The following NRXN1 variants were observed in gnomAD, a reference collection of about 807,000 sequenced individuals.
The protein encoded by NRXN1 is neurexin 1.
A neutral mutation model predicts 150.9 loss-of-function variants in NRXN1; 39 were observed. The observed-to-expected ratio is 0.26, with a 90% CI of 0.20 to 0.34. The LOEUF (loss-of-function observed/expected upper bound fraction) is 0.34. Among genes scored for constraint, NRXN1 ranks in the 10% least tolerant of loss-of-function variants. The pLI, the probability that NRXN1 is intolerant of heterozygous loss-of-function variation, is 1.00. For missense variants in NRXN1, 1,815 were observed against 1,949.9 expected, an observed-to-expected ratio of 0.93 and a Z score of 1.30; for synonymous variants, 924 against 757.0, an observed-to-expected ratio of 1.22 and a Z score of -3.62.
chr2:50,581,821 G>T (rs1455588620), intron 8 of NRXN1, among the ~76,000 whole-genome samples: 1 of 152,074 alleles, frequency 6.6e-6, no homozygotes, highest in Non-Finnish European at 1.5e-5. Context: ...TAAAGTAACT[G>T]ATTTATCCAA....
At chr2:50,153,903 A>T (rs905109125) in intron 18 of NRXN1, among the ~76,000 whole-genome samples, 11 of 151,688 alleles carry the variant, frequency 7.3e-5, no homozygotes, top group African/African-American at 1.2e-4. Flanking sequence ...TGACACTTTG[A>T]GTCTTATTTG....
At chr2:50,320,320 A>G (rs1325258044) in intron 17 of NRXN1, among the ~76,000 whole-genome samples, 2 of 129,326 alleles carry the variant, frequency 1.5e-5, no homozygotes, top group Non-Finnish European at 3.3e-5. Flanking sequence ...ATATATATAT[A>G]TATATATAGT....
intron 5 of NRXN1, among the ~76,000 whole-genome samples, chr2:50,679,084 T>A (rs1380387901): frequency 6.6e-6 from 1 of 152,062 alleles, no homozygotes; most frequent in Non-Finnish European, 1.5e-5. Flanking sequence ...ATGCTTAACA[T>A]GGATCGGGCT....
At chr2:50,643,882 T>C (rs139594549) in intron 5 of NRXN1, among the ~76,000 whole-genome samples, 206 of 151,972 alleles carry the variant, frequency 1.4e-3, no homozygotes, top group African/African-American at 4.7e-3. Context: ...AACATTTAGC[T>C]TGCATATCAA....
intron 21 of NRXN1, among the ~76,000 whole-genome samples, chr2:49,999,598 A>C (rs1421585): frequency 6.6e-6 from 1 of 152,058 alleles, no homozygotes; most frequent in Non-Finnish European, 1.5e-5. Flanking sequence ...TAATCAGGAA[A>C]TGAGACAATA....
At chr2:50,261,900 C>A (rs1378505591) in intron 17 of NRXN1, among the ~76,000 whole-genome samples, 1 of 151,686 alleles carries the variant, frequency 6.6e-6, no homozygotes, top group Non-Finnish European at 1.5e-5. Flanking sequence ...GTGACTTTGC[C>A]AAAGTTATTG....
intron 5 of NRXN1, among the ~76,000 whole-genome samples, chr2:50,873,317 A>T (rs1300704774): frequency 1.3e-5 from 2 of 151,904 alleles, no homozygotes; most frequent in Non-Finnish European, 2.9e-5. Context: ...ACAAATCTTG[A>T]TAGCCAAAAT....
intron 17 of NRXN1, among the ~76,000 whole-genome samples, chr2:50,242,873 T>C (rs938287700): frequency 4.0e-5 from 6 of 151,766 alleles, no homozygotes; most frequent in Non-Finnish European, 8.8e-5. Flanking sequence ...ATGCATATGC[T>C]CTTTATAAAT....
chr2:50,141,021 A>C (rs7586857), intron 18 of NRXN1, among the ~76,000 whole-genome samples: 139,947 of 151,978 alleles, frequency 0.92, 64,603 homozygotes, highest in East Asian at 1. Context: ...GCTTATTAAT[A>C]CTAGGTGTAG....
At chr2:50,675,980 T>A (rs1286391567) in intron 5 of NRXN1, among the ~76,000 whole-genome samples, 1 of 152,212 alleles carries the variant, frequency 6.6e-6, no homozygotes, top group Non-Finnish European at 1.5e-5. Context: ...TCAAGTCCTG[T>A]TGCAATTTGA....
chr2:50,591,208 A>C (rs574199667), intron 8 of NRXN1, among the ~76,000 whole-genome samples: 2 of 152,238 alleles, frequency 1.3e-5, no homozygotes, highest in South Asian at 4.2e-4. Flanking sequence ...TTGTTTATTC[A>C]ACATTTTATC....
rs78304276 is a variant in NRXN1 at position 50,075,135 on chromosome 2, T to G, written c.3718+16188A>C. 2.4e-3 allele frequency among the ~76,000 whole-genome samples: 359 copies of G among 152,334 alleles called. 1 individual carries two copies. Among genetic ancestry groups the G allele is most frequent in the African/African-American group, 8.4e-3 (351 of 41,590 alleles). On this transcript the variant is annotated intron_variant, in intron 19 of 22. Transcript: ENST00000401669. ...GTATAGAAACAAAACAATTAAAATC[T>G]GAAACAGACTCCAAAATGTAAAATA...
chr2:50,246,149 A>G (rs770887509), intron 17 of NRXN1, among the ~76,000 whole-genome samples: 25 of 152,020 alleles, frequency 1.6e-4, no homozygotes, highest in African/African-American at 5.3e-4. Context: ...GGTGTGAGGT[A>G]TCTGCAATGC....
At chr2:50,475,296 C>T (rs2089897615) in intron 15 of NRXN1, among the ~76,000 whole-genome samples, 1 of 152,042 alleles carries the variant, frequency 6.6e-6, no homozygotes, top group South Asian at 2.1e-4. Context: ...AGGAGAGAGA[C>T]TGTGTTTCCC....
At chr2:49,985,678 G>T (rs1293638961) in intron 21 of NRXN1, among the ~76,000 whole-genome samples, 3 of 152,172 alleles carry the variant, frequency 2.0e-5, no homozygotes, top group Non-Finnish European at 4.4e-5. Flanking sequence ...GAGTTTACCT[G>T]CAGGACACAT....
chr2:50,880,845 A>C (rs1483399685), intron 5 of NRXN1, among the ~76,000 whole-genome samples: 4 of 151,938 alleles, frequency 2.6e-5, no homozygotes, highest in Admixed American at 2.6e-4. Context: ...ATGGGGCTGT[A>C]CCAAATGGAA....
intron 15 of NRXN1, among the ~76,000 whole-genome samples, chr2:50,489,296 G>T (rs578236787): frequency 2.6e-4 from 40 of 152,196 alleles, no homozygotes; most frequent in South Asian, 1.2e-3. Flanking sequence ...GGGATGGGTT[G>T]GGATCTTTAA....
intron 17 of NRXN1, chr2:50,417,064 A>G (rs1483364845): frequency 6.6e-6 from 1 of 152,138 alleles, no homozygotes; most frequent in Non-Finnish European, 1.5e-5. Flanking sequence ...TGAAGAAGGG[A>G]CCCACCCATT....
At chr2:50,481,226 T>C (rs2104784327) in intron 15 of NRXN1, among the ~76,000 whole-genome samples, 1 of 152,322 alleles carries the variant, frequency 6.6e-6, no homozygotes, top group East Asian at 1.9e-4. Context: ...TATGTACAGC[T>C]TCACTACTAC....
Sources: allele counts gnomAD v4.1 joint callset (sites outside exome capture counted in the v4.1 genomes callset), GRCh38; gene constraint gnomAD v4.1.1; transcripts MANE v1.5; gene names NCBI Gene and HGNC (gene_info 2026-07-23, HGNC 2026-07-21).